ZNF385D: variants seen among roughly 807,000 people sequenced by gnomAD.
ZNF385D encodes zinc finger protein 659.
A neutral mutation model predicts 35.8 loss-of-function variants in ZNF385D; 15 were observed. The observed-to-expected ratio is 0.42, with a 90% CI of 0.28 to 0.64. ZNF385D has a LOEUF of 0.64. ZNF385D is among the 30% of genes least tolerant of loss of function. The pLI is 0.23. For synonymous variants in ZNF385D, 212 were observed against 186.8 expected (o/e 1.13, Z -1.10); for missense variants, 474 against 494.6 (o/e 0.96, Z 0.39).
chr3:22,049,412 TC>T (rs1200180370), intron 3 of ZNF385D, among the ~76,000 whole-genome samples: 1 of 152,140 alleles, frequency 6.6e-6, no homozygotes, highest in African/African-American at 2.4e-5. Context: ...AATAGGGTGT[TC>T]TTTTTTTTTG....
chr3:22,153,684 G>A (rs1576412235), intron 3 of ZNF385D, among the ~76,000 whole-genome samples: 1 of 151,846 alleles, frequency 6.6e-6, no homozygotes, highest in Non-Finnish European at 1.5e-5. Flanking sequence ...GGCTGGTCTT[G>A]AACTCCTGAC....
chr3:21,772,450 A>G (rs954852659), intron 3 of ZNF385D, among the ~76,000 whole-genome samples: 4 of 152,094 alleles, frequency 2.6e-5, no homozygotes, highest in African/African-American at 9.6e-5. Context: ...CAAAGATAAT[A>G]TGCAAATGGT....
intron 3 of ZNF385D, among the ~76,000 whole-genome samples, chr3:21,930,262 T>C (rs1371350899): frequency 6.9e-6 from 1 of 145,720 alleles, no homozygotes; most frequent in Non-Finnish European, 1.5e-5. Flanking sequence ...AGTTGAACAC[T>C]TTTTTTATAC....
At chr3:22,130,838 T>C (rs1027686572) in intron 3 of ZNF385D, among the ~76,000 whole-genome samples, 5 of 152,164 alleles carry the variant, frequency 3.3e-5, no homozygotes, top group African/African-American at 1.2e-4. Context: ...GTTGTTCAAT[T>C]TGATGTTCCT....
At chr3:22,240,141 T>TCACTG (rs1699409093) in intron 2 of ZNF385D, among the ~76,000 whole-genome samples, 1 of 134,792 alleles carries the variant, frequency 7.4e-6, no homozygotes. Flanking sequence ...CATCATCATA[T>TCACTG]CACTGCACTC....
Position 21,412,223 on chromosome 3 carries a change from G to A in ZNF385D, c.*8991C>T, listed in dbSNP as rs574270154. On this transcript the variant is annotated 3_prime_UTR_variant, in exon 8 of 8. Transcript: ENST00000281523. Reference sequence around the variant, plus strand: ...GAACAAGCATCATCCAGAACTGAATGAAAATAAGATATTTTACTTTTTTTC... The same window carrying A: ...GAACAAGCATCATCCAGAACTGAATAAAAATAAGATATTTTACTTTTTTTC... 1 of 152,120 alleles carries A rather than the reference G, an allele frequency of 6.6e-6. No homozygotes were observed. Among genetic ancestry groups the A allele is most frequent in the East Asian group, 1.9e-4 (1 of 5,164 alleles). The allele number at this position is 152,120 out of a possible 1,614,324, so 9.4% of individuals were successfully genotyped here.
chr3:21,636,735 C>A (rs1055895218), intron 2 of ZNF385D, among the ~76,000 whole-genome samples: 1 of 151,914 alleles, frequency 6.6e-6, no homozygotes, highest in Non-Finnish European at 1.5e-5. Context: ...AACACCCTCG[C>A]AGACACACCC....
At chr3:21,756,720 T>G (rs2070355700) in intron 3 of ZNF385D, among the ~76,000 whole-genome samples, 1 of 152,160 alleles carries the variant, frequency 6.6e-6, no homozygotes, top group East Asian at 1.9e-4. Context: ...TATAATAACT[T>G]TTGAATGCAT....
At chr3:22,076,434 T>G (rs560485750) in intron 3 of ZNF385D, among the ~76,000 whole-genome samples, 1 of 151,958 alleles carries the variant, frequency 6.6e-6, no homozygotes, top group African/African-American at 2.4e-5. Flanking sequence ...CATCCTATTT[T>G]TTAATCATTT....
At chr3:22,125,534 C>T (rs1362172686) in intron 3 of ZNF385D, among the ~76,000 whole-genome samples, 1 of 151,874 alleles carries the variant, frequency 6.6e-6, no homozygotes, top group Non-Finnish European at 1.5e-5. Context: ...ATTATTTTTC[C>T]AATTCATGAA....
intron 2 of ZNF385D, among the ~76,000 whole-genome samples, chr3:22,199,242 A>G (rs572698885): frequency 1.3e-5 from 2 of 152,106 alleles, no homozygotes; most frequent in African/African-American, 4.8e-5. Flanking sequence ...TCACTAAGCT[A>G]TAATTGTCTG....
intron 3 of ZNF385D, among the ~76,000 whole-genome samples, chr3:21,913,494 G>C (rs1464117883): frequency 6.6e-6 from 1 of 152,176 alleles, no homozygotes; most frequent in African/African-American, 2.4e-5. Flanking sequence ...CAGGTATTAT[G>C]CTCATCCTTA....
At chr3:21,766,593 T>C (rs1217139341) in intron 3 of ZNF385D, among the ~76,000 whole-genome samples, 2 of 152,118 alleles carry the variant, frequency 1.3e-5, no homozygotes, top group Admixed American at 6.6e-5. Context: ...GAGGGAGATA[T>C]TGCAGTAGAA....
chr3:21,891,497 T>G (rs1442317494), intron 3 of ZNF385D, among the ~76,000 whole-genome samples: 1 of 152,184 alleles, frequency 6.6e-6, no homozygotes, highest in East Asian at 1.9e-4. Context: ...ATATGGTTAT[T>G]TGTTTACTAT....
At chr3:22,334,448 A>G (rs1014086894) in intron 2 of ZNF385D, among the ~76,000 whole-genome samples, 1 of 152,128 alleles carries the variant, frequency 6.6e-6, no homozygotes, top group African/African-American at 2.4e-5. Flanking sequence ...CTAAAATTTT[A>G]TAGATTTAAT....
intron 3 of ZNF385D, among the ~76,000 whole-genome samples, chr3:22,030,274 T>TACAA (rs1697872536): frequency 1.2e-5 from 1 of 86,790 alleles, no homozygotes. Flanking sequence ...TATATATATA[T>TACAA]ATATATATAT....
chr3:21,444,078 C>G (rs967656620), intron 4 of ZNF385D, among the ~76,000 whole-genome samples: 9 of 126,792 alleles, frequency 7.1e-5, no homozygotes, highest in African/African-American at 3.3e-4. Flanking sequence ...CTGGATTTCC[C>G]TCTTTTTTTT....
intron 3 of ZNF385D, among the ~76,000 whole-genome samples, chr3:21,784,394 G>A (rs1046785994): frequency 2.0e-5 from 3 of 152,058 alleles, no homozygotes; most frequent in African/African-American, 7.2e-5. Context: ...TTCTAAGGTT[G>A]ATGCACTTCT....
chr3:21,903,309 A>G (rs534830230), intron 3 of ZNF385D, among the ~76,000 whole-genome samples: 10 of 152,168 alleles, frequency 6.6e-5, no homozygotes, highest in Admixed American at 1.3e-4. Flanking sequence ...GAGTATGAGG[A>G]GACTTACTTC....
Sources: allele counts gnomAD v4.1 joint callset (sites outside exome capture counted in the v4.1 genomes callset), GRCh38; gene constraint gnomAD v4.1.1; transcripts MANE v1.5; gene names NCBI Gene and HGNC (gene_info 2026-07-23, HGNC 2026-07-21).